TPD52L2: variants seen among roughly 807,000 people sequenced by gnomAD.
The protein encoded by TPD52L2 is tumor protein D54.
A neutral mutation model predicts 24.7 loss-of-function variants in TPD52L2; 19 were observed. The ratio of observed to expected loss-of-function variants is 0.77; its 90% CI spans 0.54 to 1.13. The LOEUF is 1.13. Among genes scored for constraint, TPD52L2 ranks in the 50% most tolerant of loss-of-function variants. The pLI, the probability that TPD52L2 is intolerant of heterozygous loss-of-function variation, is 0.00. For missense variants in TPD52L2, 236 were observed against 250.4 expected, an observed-to-expected ratio of 0.94 and a Z score of 0.39; for synonymous variants, 104 against 100.2, an observed-to-expected ratio of 1.04 and a Z score of -0.23.
At chr20:63,878,981 G>A (rs1041547610) in intron 4 of TPD52L2, among the ~76,000 whole-genome samples, 1 of 152,210 alleles carries the variant, frequency 6.6e-6, no homozygotes, top group African/African-American at 2.4e-5. Context: ...GTGTGTGCCT[G>A]TGTGTTTGAC....
intron 1 of TPD52L2, 76 bp downstream of exon 1, chr20:63,865,460 C>A: frequency 6.8e-7 from 1 of 1,477,876 alleles, no homozygotes; most frequent in South Asian, 1.3e-5. Flanking sequence ...GGGGTCGCGT[C>A]TGCGACTCTC....
chr20:63,875,289 C>A (rs900926168), intron 3 of TPD52L2, among the ~76,000 whole-genome samples: 4 of 152,084 alleles, frequency 2.6e-5, no homozygotes, highest in Non-Finnish European at 5.9e-5. Context: ...AGATGTCGCT[C>A]AGCTCTGAAT....
At chr20:63,871,969 A>G (rs539606178) in intron 2 of TPD52L2, among the ~76,000 whole-genome samples, 1 of 151,842 alleles carries the variant, frequency 6.6e-6, no homozygotes, top group South Asian at 2.1e-4. Flanking sequence ...CTAGTCATAT[A>G]TGAGCTGAAG....
At chr20:63,889,753 A>C (rs2053264163) in intron 6 of TPD52L2, 97 bp from the exon 7 acceptor site, 2 of 1,209,124 alleles carry the variant, frequency 1.7e-6, no homozygotes, top group Non-Finnish European at 2.3e-6. Context: ...TTCGTGTTAC[A>C]TAAGCTTTTG....
chr20:63,872,632 C>A (rs1383788524), intron 2 of TPD52L2, among the ~76,000 whole-genome samples: 1 of 152,118 alleles, frequency 6.6e-6, no homozygotes, highest in African/African-American at 2.4e-5. Context: ...CCTGCCTTGG[C>A]CTCACAAAGT....
intron 1 of TPD52L2, among the ~76,000 whole-genome samples, chr20:63,866,303 C>T (rs2052230536): frequency 6.6e-6 from 1 of 152,060 alleles, no homozygotes; most frequent in African/African-American, 2.4e-5. Context: ...CAGGGTTTCA[C>T]CATGTTGCCC....
chr20:63,884,428 C>T (rs1296265979), intron 5 of TPD52L2, among the ~76,000 whole-genome samples: 1 of 152,222 alleles, frequency 6.6e-6, no homozygotes, highest in East Asian at 1.9e-4. Flanking sequence ...TCCACACTCC[C>T]TTTTGAGTTT....
rs745883571 is a variant in TPD52L2 at position 63,877,429 on chromosome 20, G to A, written c.374+1554G>A. On this transcript the variant is annotated intron_variant, in intron 4 of 6. Coordinates refer to ENST00000346249, the MANE Select transcript of TPD52L2 (RefSeq NM_003288.4). This position sits in a 1 kb window ranked among gnomAD's most constrained non-coding sequence, Gnocchi z 4.1. ...CCATCTCGGCCTCCCAAAGTGCTGG[G>A]ATGACAGGCGTGACCCACTGCACCC... Among the ~76,000 whole-genome samples the A allele has an allele frequency of 3.9e-5, 6 of 152,198 alleles. No individual in the cohort carries two copies. Among genetic ancestry groups the A allele is most frequent in the Non-Finnish European group, 7.3e-5 (5 of 68,036 alleles).
At position 63,869,340 on chromosome 20, in the gene TPD52L2, A is replaced by G. The variant is rs767196639; in HGVS notation, c.64A>G (p.Met22Val). 2.5e-6 allele frequency: 4 copies of G among 1,614,142 alleles called. No individual in the cohort carries two copies. Among genetic ancestry groups the G allele is most frequent in the South Asian group, 1.1e-5 (1 of 91,078 alleles). ...TAACAAAGGTCTGCTGTCTGACTCC[A>G]TGACGGATGTTCCTGTCGACACAGG... ...SPNKGLLSDS[M>V]TDVPVDTGVA... is the part of the protein sequence containing the mutation. Residue 22 changes from methionine to valine, a missense_variant, in exon 2 of 7, where the codon ATG becomes GTG. By Grantham distance (21) the Met-to-Val change is conservative. Transcript: ENST00000346249.
intron 2 of TPD52L2, 21 bp from the exon 3 acceptor site, chr20:63,873,647 T>C: frequency 6.2e-7 from 1 of 1,610,528 alleles, no homozygotes. Flanking sequence ...TGGCTCATCA[T>C]GTCAACTGCA....
intron 2 of TPD52L2, among the ~76,000 whole-genome samples, chr20:63,872,507 A>AG (rs2052505882): frequency 1.3e-5 from 2 of 151,706 alleles, no homozygotes; most frequent in Non-Finnish European, 2.9e-5. Context: ...CCTCCCGAGT[A>AG]GCTGGGGTTA....
At position 63,882,653 on chromosome 20, in the gene TPD52L2, G is replaced by C. The variant is rs544553381; in HGVS notation, c.375-66G>C. ...TCCTCGGGCGTGCTCCCAGTGCTTT[G>C]TTTGCTTGGCTGTGGGTGGTGACCC... On this transcript the variant is annotated intron_variant, in intron 4 of 6. Coordinates refer to ENST00000346249, the MANE Select transcript of TPD52L2 (RefSeq NM_003288.4). 77 of 1,336,274 alleles carry C rather than the reference G, an allele frequency of 5.8e-5. No homozygotes were observed. The African/African-American group carries it at 1.1e-3, about 18-fold the overall frequency. The allele number at this position is 1,336,274 out of a possible 1,614,324, so 82.8% of individuals were successfully genotyped here.
At chr20:63,875,669 G>T in intron 3 of TPD52L2, 147 bp from the exon 4 acceptor site, 1 of 734,222 alleles carries the variant, frequency 1.4e-6, no homozygotes, top group Non-Finnish European at 2.3e-6. Context: ...CCTGGTTGAG[G>T]CAGTGGACCC....
intron 2 of TPD52L2, among the ~76,000 whole-genome samples, chr20:63,872,684 T>A (rs1030752772): frequency 6.8e-6 from 1 of 148,142 alleles, no homozygotes; most frequent in Non-Finnish European, 1.5e-5. Context: ...GGCCAGGGTC[T>A]TCACCATTTT....
chr20:63,871,694 T>C lies in TPD52L2; in HGVS notation c.166-1974T>C, dbSNP rs575612807. On this transcript the variant is annotated intron_variant, in intron 2 of 6. Transcript: ENST00000346249. ...TGTTGCCCAGGCTGGAGTGGAATGG[T>C]GCGATCTTGGCTCACTGCAGCCTCT... 2.1e-5 allele frequency among the ~76,000 whole-genome samples: 3 copies of C among 145,238 alleles called. No individual in the cohort carries two copies. The Admixed American group carries it at 2.1e-4, about 10-fold the overall frequency.
intron 1 of TPD52L2, among the ~76,000 whole-genome samples, 162 bp from the exon 2 acceptor site, chr20:63,869,134 G>C (rs774830593): frequency 6.6e-6 from 1 of 152,080 alleles, no homozygotes; most frequent in Non-Finnish European, 1.5e-5. Context: ...GGCTGCCCTC[G>C]TCTACTGCCC....
chr20:63,885,723 G>C (rs2053067115), intron 5 of TPD52L2, among the ~76,000 whole-genome samples: 1 of 152,224 alleles, frequency 6.6e-6, no homozygotes, highest in Non-Finnish European at 1.5e-5. Flanking sequence ...ATAAGGCGTG[G>C]ACAGGGCGTG....
In TPD52L2 at chr20:63,869,548, G is replaced by A; in HGVS notation, c.165+107G>A. 6 of 1,403,660 alleles carry A rather than the reference G, an allele frequency of 4.3e-6. 1 individual carries two copies. The South Asian group carries it at 7.1e-5, about 17-fold the overall frequency. 87.0% of individuals were successfully genotyped at this position (1,403,660 alleles called of 1,614,324 possible). On this transcript the variant is annotated intron_variant, in intron 2 of 6. Transcript: ENST00000346249. ...CGCTCGGGAGGAATTGCCCTGGGTG[G>A]TCACCTACCCTGCTCTGTGTTCCGA... is the stretch of plus-strand genomic sequence containing the variant.
chr20:63,886,332 G>T (rs1208659442), intron 5 of TPD52L2, among the ~76,000 whole-genome samples: 1 of 151,770 alleles, frequency 6.6e-6, no homozygotes, highest in South Asian at 2.1e-4. Context: ...AACTGGCCTG[G>T]CGTCCAGGCC....
Sources: gnomAD v4.1 joint callset for allele counts (sites outside exome capture counted in the v4.1 genomes callset) on GRCh38, gnomAD v4.1.1 for gene constraint, Gnocchi (gnomAD v3.1) non-coding constraint, MANE v1.5 for transcripts, NCBI Gene and HGNC (gene_info 2026-07-23, HGNC 2026-07-21) for gene names.